GOLPH3L: variants seen among roughly 807,000 people sequenced by gnomAD.
The protein encoded by GOLPH3L is golgi phosphoprotein 3 like.
Under a neutral mutation model 30.3 loss-of-function variants are expected in GOLPH3L, and 22 were observed. That is an observed-to-expected ratio of 0.73 (90% CI 0.52 to 1.04). GOLPH3L has a LOEUF of 1.04. GOLPH3L is among the 50% of genes least tolerant of loss of function. The pLI, the probability that GOLPH3L is intolerant of heterozygous loss-of-function variation, is 0.00. For missense variants in GOLPH3L, 303 were observed against 345.8 expected (o/e 0.88, Z 0.98); for synonymous variants, 120 against 128.2 (o/e 0.94, Z 0.43).
rs1422279715 is a variant in GOLPH3L, at chr1:150,694,864, T to C, written c.-12-14A>G. The C allele has an allele frequency of 6.7e-7, 1 of 1,498,698 alleles. No individual in the cohort carries two copies. Among genetic ancestry groups the C allele is most frequent in the Non-Finnish European group, 9.0e-7 (1 of 1,106,408 alleles). 92.8% of individuals were successfully genotyped at this position (1,498,698 alleles called of 1,614,324 possible). A position where few individuals can be genotyped will look rare whatever the true frequency, so the allele number is the denominator to read the frequency against. ...TCTCACCTGTTTCTGGAGGGAGTGG[T>C]GAAAAAAAAAATCCATATGTATGCT... On this transcript the variant is annotated splice_polypyrimidine_tract_variant and intron_variant, in intron 1 of 4. Coordinates refer to ENST00000271732, the MANE Select transcript of GOLPH3L (RefSeq NM_018178.6).
intron 2 of GOLPH3L, among the ~76,000 whole-genome samples, chr1:150,664,245 C>T (rs1650444273): frequency 6.6e-6 from 1 of 152,040 alleles, no homozygotes; most frequent in Admixed American, 6.6e-5. Flanking sequence ...CTCAAGCTAT[C>T]CTCCCACCTT....
intron 2 of GOLPH3L, among the ~76,000 whole-genome samples, chr1:150,667,563 G>A (rs1650534663): frequency 1.3e-5 from 2 of 151,634 alleles, no homozygotes; most frequent in Non-Finnish European, 2.9e-5. Context: ...AACAAAAGTG[G>A]CTATTTACTA....
At position 150,647,232 on chromosome 1, in the gene GOLPH3L, C is replaced by T. The variant is rs996948324; in HGVS notation, c.*1089G>A. 1 of 152,184 alleles carries T rather than the reference C, an allele frequency of 6.6e-6. No individual in the cohort carries two copies. The highest frequency in any genetic ancestry group is 2.4e-5 in the African/African-American group (1 of 41,426). The allele number at this position is 152,184 out of a possible 1,614,324, so 9.4% of individuals were successfully genotyped here. ...GTCTGGAGGGGTGGGTGCAGTGGCT[C>T]AAGCCAGTAATCTCAGCACTTTGGG... On this transcript the variant is annotated 3_prime_UTR_variant, in exon 5 of 5. Transcript: ENST00000271732.
chr1:150,685,162 G>A (rs1041205645), intron 2 of GOLPH3L, among the ~76,000 whole-genome samples: 2 of 152,030 alleles, frequency 1.3e-5, no homozygotes, highest in Non-Finnish European at 2.9e-5. Context: ...GCAATGGAAT[G>A]GAAAATTTGA....
intron 2 of GOLPH3L, among the ~76,000 whole-genome samples, chr1:150,679,155 TA>T (rs1202088610): frequency 2.0e-5 from 3 of 152,164 alleles, no homozygotes; most frequent in Non-Finnish European, 4.4e-5. Context: ...GTGAAAATGT[TA>T]AAAGGGTGAT....
intron 2 of GOLPH3L, among the ~76,000 whole-genome samples, chr1:150,693,514 G>A (rs1651259549): frequency 1.3e-5 from 2 of 151,858 alleles, no homozygotes; most frequent in African/African-American, 2.4e-5. Context: ...AGGCTTTCCT[G>A]GAAAGAAAGC....
chr1:150,678,737 A>G (rs1650878813), intron 2 of GOLPH3L, among the ~76,000 whole-genome samples: 1 of 152,186 alleles, frequency 6.6e-6, no homozygotes, highest in African/African-American at 2.4e-5. Context: ...CAAGCAGATC[A>G]TAAGGTCAAG....
intron 2 of GOLPH3L, among the ~76,000 whole-genome samples, chr1:150,666,161 C>T (rs1650494559): frequency 6.6e-6 from 1 of 152,098 alleles, no homozygotes. Flanking sequence ...TGTTGTGCTT[C>T]CCATAACTGT....
At chr1:150,690,840 A>G (rs1243307015) in intron 2 of GOLPH3L, among the ~76,000 whole-genome samples, 1 of 152,120 alleles carries the variant, frequency 6.6e-6, no homozygotes, top group African/African-American at 2.4e-5. Context: ...ACTCTATCTC[A>G]TGATGGTTTC....
chr1:150,685,950 C>G (rs945898390), intron 2 of GOLPH3L, among the ~76,000 whole-genome samples: 2 of 147,028 alleles, frequency 1.4e-5, no homozygotes, highest in Non-Finnish European at 3.0e-5. Context: ...CCTTGGCTCA[C>G]TGCAACTTCT....
chr1:150,665,450 C>T (rs1571041033), intron 2 of GOLPH3L, among the ~76,000 whole-genome samples: 1 of 151,902 alleles, frequency 6.6e-6, no homozygotes, highest in East Asian at 1.9e-4. Flanking sequence ...CCTCAGCCTC[C>T]CAAGTAGCTC....
At chr1:150,689,504 A>C (rs1651161985) in intron 2 of GOLPH3L, among the ~76,000 whole-genome samples, 1 of 152,206 alleles carries the variant, frequency 6.6e-6, no homozygotes, top group African/African-American at 2.4e-5. Flanking sequence ...GCTTGTGCTC[A>C]ATGTTTACTT....
At chr1:150,683,837 A>C (rs1410724486) in intron 2 of GOLPH3L, among the ~76,000 whole-genome samples, 1 of 151,200 alleles carries the variant, frequency 6.6e-6, no homozygotes, top group African/African-American at 2.4e-5. Context: ...CTTCAGGCGG[A>C]TGTACATAAA....
intron 2 of GOLPH3L, among the ~76,000 whole-genome samples, chr1:150,687,562 C>T (rs1188840275): frequency 2.7e-5 from 4 of 150,160 alleles, no homozygotes; most frequent in Non-Finnish European, 1.5e-5. Context: ...GTAACAAGAG[C>T]GAAACTCTGT....
rs143402222 is a variant in GOLPH3L, at chr1:150,651,856, T to C, written c.431-3108A>G. On this transcript the variant is annotated intron_variant, in intron 4 of 4. Transcript: ENST00000271732. ...ATCAACTTGATGAACATACATAAAA[T>C]GGAAGCACCAGAAGGAAAGGAGAGA... Among the ~76,000 whole-genome samples the C allele has an allele frequency of 3.3e-5, 5 of 151,660 alleles. No homozygotes were observed. In the East Asian group the frequency reaches 7.8e-4, roughly 24 times the overall value.
chr1:150,651,642 C>CAAAAAAAAAAAAAAAAAAAAAAAAAAA (rs59940841), intron 4 of GOLPH3L, among the ~76,000 whole-genome samples: 1 of 60,852 alleles, frequency 1.6e-5, no homozygotes, highest in Non-Finnish European at 3.0e-5. Flanking sequence ...GAGCGAAACT[C>CAAAAAAAAAAAAAAAAAAAAAAAAAAA]AAAAAAAAAA....
At chr1:150,681,427 T>C (rs889454286) in intron 2 of GOLPH3L, among the ~76,000 whole-genome samples, 3 of 152,194 alleles carry the variant, frequency 2.0e-5, no homozygotes, top group African/African-American at 7.2e-5. Context: ...AGTTCAGTGC[T>C]GGATTTGTGA....
chr1:150,686,901 A>G (rs1006239826), intron 2 of GOLPH3L, among the ~76,000 whole-genome samples: 1 of 152,202 alleles, frequency 6.6e-6, no homozygotes, highest in Admixed American at 6.5e-5. Flanking sequence ...TTATACCAAT[A>G]GTAAATAGTT....
chr1:150,694,893 G>A (rs1264206364), intron 1 of GOLPH3L, 43 bp from the exon 2 acceptor site: 2 of 1,049,494 alleles, frequency 1.9e-6, no homozygotes, highest in Admixed American at 2.3e-5. Flanking sequence ...GTATGCTTAT[G>A]TAAATAAATC....
Sources: allele counts gnomAD v4.1 joint callset (sites outside exome capture counted in the v4.1 genomes callset), GRCh38; gene constraint gnomAD v4.1.1; transcripts MANE v1.5; gene names NCBI Gene and HGNC (gene_info 2026-07-23, HGNC 2026-07-21).